Variants in ASTN2 observed in about 807,000 individuals in gnomAD.
ASTN2 encodes the protein astrotactin 2.
ASTN2 carries 54 observed loss-of-function variants against 139.8 expected under a neutral mutation model. The ratio of observed to expected loss-of-function variants is 0.39; its 90% CI spans 0.31 to 0.48. The LOEUF (loss-of-function observed/expected upper bound fraction) is 0.48. ASTN2 is among the 20% of genes least tolerant of loss of function. The pLI is 0.95. For missense variants in ASTN2, 1,565 were observed against 1,725.1 expected, an observed-to-expected ratio of 0.91 and a Z score of 1.64; for synonymous variants, 756 against 719.5, an observed-to-expected ratio of 1.05 and a Z score of -0.81.
chr9:116,959,453 G>A (rs1195843794), intron 10 of ASTN2, among the ~76,000 whole-genome samples: 2 of 152,138 alleles, frequency 1.3e-5, no homozygotes, highest in Non-Finnish European at 2.9e-5. Context: ...AACAGCAAGC[G>A]GAGCAATGGA....
chr9:116,728,969 G>C lies in ASTN2; in HGVS notation c.2626+23C>G. 9 of 1,559,168 alleles carry C rather than the reference G, an allele frequency of 5.8e-6. No individual in the cohort carries two copies. The South Asian group carries it at 1.1e-4, about 18-fold the overall frequency. Reference sequence around the variant, plus strand: ...GTGCTAAATTATTCCAAGTCCCCTGGCTGCCCAGGCAGTGGTCCTCACCTG... The same window carrying C: ...GTGCTAAATTATTCCAAGTCCCCTGCCTGCCCAGGCAGTGGTCCTCACCTG... On this transcript the variant is annotated intron_variant, in intron 15 of 22. Coordinates refer to ENST00000313400, the MANE Select transcript of ASTN2 (RefSeq NM_001365068.1).
intron 11 of ASTN2, among the ~76,000 whole-genome samples, chr9:116,836,967 C>A (rs1356257579): frequency 6.6e-6 from 1 of 151,920 alleles, no homozygotes; most frequent in Non-Finnish European, 1.5e-5. Context: ...ACTATATAAT[C>A]CTTCATACAA....
At chr9:116,535,429 G>T (rs184019138) in intron 19 of ASTN2, among the ~76,000 whole-genome samples, 3 of 152,110 alleles carry the variant, frequency 2.0e-5, no homozygotes, top group African/African-American at 7.2e-5. Context: ...TATTTTGTTT[G>T]TTAGTTGATG....
chr9:116,721,134 T>C (rs766000803), intron 16 of ASTN2, among the ~76,000 whole-genome samples: 3 of 152,224 alleles, frequency 2.0e-5, no homozygotes, highest in African/African-American at 4.8e-5. Flanking sequence ...GATGGGTCCA[T>C]CCATTGCTCT....
intron 4 of ASTN2, among the ~76,000 whole-genome samples, chr9:117,115,454 T>G (rs1219192570): frequency 6.6e-6 from 1 of 151,654 alleles, no homozygotes; most frequent in Non-Finnish European, 1.5e-5. Flanking sequence ...GATGCAAAGG[T>G]TGAGGTTGCA....
intron 3 of ASTN2, among the ~76,000 whole-genome samples, chr9:117,199,905 T>G: frequency 6.6e-6 from 1 of 151,730 alleles, no homozygotes; most frequent in African/African-American, 2.4e-5. Context: ...TTTATTCTTT[T>G]TGAATGGGAG....
intron 7 of ASTN2, among the ~76,000 whole-genome samples, chr9:116,987,846 C>T (rs1326758358): frequency 1.3e-5 from 2 of 152,166 alleles, no homozygotes; most frequent in Admixed American, 6.5e-5. Flanking sequence ...AACACAAGCA[C>T]TGTGACACCT....
At chr9:116,677,736 T>C (rs1859596644) in intron 16 of ASTN2, among the ~76,000 whole-genome samples, 1 of 152,296 alleles carries the variant, frequency 6.6e-6, no homozygotes, top group East Asian at 1.9e-4. Context: ...TCCCTCCTTT[T>C]GGGGACCCAG....
chr9:116,535,592 T>C (rs947720473), intron 19 of ASTN2, among the ~76,000 whole-genome samples: 12 of 152,236 alleles, frequency 7.9e-5, no homozygotes, highest in South Asian at 2.1e-4. Context: ...CTATAAAGGA[T>C]TTTTATCTCT....
At chr9:116,881,690 C>T (rs1227050074) in intron 10 of ASTN2, among the ~76,000 whole-genome samples, 1 of 152,182 alleles carries the variant, frequency 6.6e-6, no homozygotes, top group Admixed American at 6.5e-5. Context: ...GTGGAAAGTG[C>T]AATTTCCCAA....
At chr9:116,913,453 GCT>G (rs1834367683) in intron 10 of ASTN2, among the ~76,000 whole-genome samples, 2 of 152,120 alleles carry the variant, frequency 1.3e-5, no homozygotes, top group Non-Finnish European at 2.9e-5. Flanking sequence ...AGAACTCCAG[GCT>G]CTTTCCTGAT....
At chr9:116,960,067 T>C (rs971162047) in intron 10 of ASTN2, among the ~76,000 whole-genome samples, 1 of 152,112 alleles carries the variant, frequency 6.6e-6, no homozygotes, top group African/African-American at 2.4e-5. Flanking sequence ...TTTTTTAATG[T>C]TCAAAATCCG....
At chr9:116,948,527 G>A (rs559853973) in intron 10 of ASTN2, among the ~76,000 whole-genome samples, 1 of 152,068 alleles carries the variant, frequency 6.6e-6, no homozygotes, top group South Asian at 2.1e-4. Flanking sequence ...TTGTAGCTTT[G>A]GAGTCAGCCA....
chr9:116,462,788 A>ATGTGTGTGTG (rs55926547), intron 20 of ASTN2, among the ~76,000 whole-genome samples: 74 of 146,188 alleles, frequency 5.1e-4, no homozygotes, highest in African/African-American at 1.4e-3. Context: ...TTGGGTGAGC[A>ATGTGTGTGTG]TGTGTGTGTG....
At chr9:116,928,666 A>T (rs939474274) in intron 10 of ASTN2, among the ~76,000 whole-genome samples, 1 of 152,152 alleles carries the variant, frequency 6.6e-6, no homozygotes, top group Non-Finnish European at 1.5e-5. Flanking sequence ...GTATTAAAAG[A>T]GTTGATTATT....
intron 16 of ASTN2, among the ~76,000 whole-genome samples, chr9:116,653,989 T>C (rs772368452): frequency 6.6e-6 from 1 of 152,152 alleles, no homozygotes; most frequent in Non-Finnish European, 1.5e-5. Flanking sequence ...GAGACAGTCT[T>C]ATATCCAGAC....
chr9:117,221,546 A>G (rs1296968952), intron 2 of ASTN2, among the ~76,000 whole-genome samples: 1 of 152,220 alleles, frequency 6.6e-6, no homozygotes, highest in Non-Finnish European at 1.5e-5. Context: ...TGGATTTATA[A>G]TACTCTGTTC....
chr9:117,035,826 T>C (rs1183332462), intron 6 of ASTN2, among the ~76,000 whole-genome samples: 2 of 152,194 alleles, frequency 1.3e-5, no homozygotes, highest in Non-Finnish European at 2.9e-5. Context: ...AGTGTTAACG[T>C]CTTCAAGTGG....
At chr9:117,024,040 G>C (rs1027066562) in intron 6 of ASTN2, among the ~76,000 whole-genome samples, 1 of 152,114 alleles carries the variant, frequency 6.6e-6, no homozygotes, top group Non-Finnish European at 1.5e-5. Flanking sequence ...AGGGAGAGAG[G>C]AGAAGCTGAG....
Sources: allele counts gnomAD v4.1 joint callset (sites outside exome capture counted in the v4.1 genomes callset), GRCh38; gene constraint gnomAD v4.1.1; transcripts MANE v1.5; gene names NCBI Gene and HGNC (gene_info 2026-07-23, HGNC 2026-07-21).